The following KIFC3 variants were observed in gnomAD, a reference collection of about 807,000 sequenced individuals.
The protein encoded by KIFC3 is kinesin-like protein KIFC3.
In KIFC3, 60 loss-of-function variants were observed where a neutral mutation model predicts 101.8. That is an observed-to-expected ratio of 0.59 (90% confidence interval 0.48 to 0.73). The LOEUF (loss-of-function observed/expected upper bound fraction) is 0.73, where lower values mean the gene tolerates loss of function less well. Among genes scored for constraint, KIFC3 ranks in the 30% least tolerant of loss-of-function variants. KIFC3 has a pLI of 0.00. For synonymous variants in KIFC3, 476 were observed against 482.7 expected (o/e 0.99, Z 0.18); for missense variants, 966 against 1,137.1 (o/e 0.85, Z 2.16).
intron 1 of KIFC3, among the ~76,000 whole-genome samples, chr16:57,837,533 A>AAG (rs1301872917): frequency 2.7e-5 from 3 of 111,332 alleles, no homozygotes; most frequent in Admixed American, 9.6e-5. Flanking sequence ...AAGAGAAAGA[A>AAG]AGAAAGAGAA....
chr16:57,758,814 G>A lies in KIFC3; in HGVS notation c.*120C>T, dbSNP rs782182673. 310 of 1,543,374 alleles carry A rather than the reference G, an allele frequency of 2.0e-4. No homozygotes were observed. Among genetic ancestry groups the A allele is most frequent in the Non-Finnish European group, 2.7e-4 (300 of 1,120,374 alleles). On this transcript the variant is annotated 3_prime_UTR_variant, in exon 20 of 20. Transcript: ENST00000445690. Reference sequence around the variant, plus strand: ...AGCCTCCACTCTCGCCTCTACCTCCGGGGGTCCTGGCGCTGCAGCAGGGAC... The same window carrying A: ...AGCCTCCACTCTCGCCTCTACCTCCAGGGGTCCTGGCGCTGCAGCAGGGAC...
At chr16:57,764,275 T>TGGGGGGGGGGGGGG in intron 11 of KIFC3, 28 bp from the exon 12 acceptor site, 1 of 539,938 alleles carries the variant, frequency 1.9e-6, no homozygotes. Context: ...GGGAGGCTGG[T>TGGGGGGGGGGGGGG]GGGGGGGCTT....
In KIFC3 at chr16:57,758,585, G is replaced by A. The variant is rs1323373376; in HGVS notation, c.*349C>T. 11 of 674,192 alleles carry A rather than the reference G, an allele frequency of 1.6e-5. No homozygotes were observed. Among genetic ancestry groups the A allele is most frequent in the South Asian group, 1.1e-4 (7 of 66,474 alleles). 41.8% of individuals were successfully genotyped at this position (674,192 alleles called of 1,614,324 possible). A position where few individuals can be genotyped will look rare whatever the true frequency, so the allele number is the denominator to read the frequency against. On this transcript the variant is annotated 3_prime_UTR_variant, in exon 20 of 20. Coordinates refer to ENST00000445690, the MANE Select transcript of KIFC3 (RefSeq NM_001130100.2). Reference sequence around the variant, plus strand: ...GCTCTGCAAGCTGAGGAGAGGGGCCGAGAAAGCCTGGGTGAGAGGCCCACC... The same window carrying A: ...GCTCTGCAAGCTGAGGAGAGGGGCCAAGAAAGCCTGGGTGAGAGGCCCACC...
rs1294675470 is a variant in KIFC3 at position 57,808,552 on chromosome 16, A to AT, written c.109-10271dup. 1.3e-3 allele frequency among the ~76,000 whole-genome samples: 197 copies of AT among 149,998 alleles called. 1 individual carries two copies. Among genetic ancestry groups the AT allele is most frequent in the African/African-American group, 4.6e-3 (187 of 41,062 alleles). ...GGCAGTTTTTGTTTTTGAACTTAAA[A>AT]TTTTTTTTTTTCTGCACAAATCTAA... On this transcript the variant is annotated intron_variant, in intron 1 of 2. Transcript: ENST00000563028.
chr16:57,785,374 T>C, intron 3 of KIFC3: 1 of 719,460 alleles, frequency 1.4e-6, no homozygotes, highest in Non-Finnish European at 1.9e-6. Flanking sequence ...CTTACACCAG[T>C]AGCCTGGTGG....
Position 57,862,717 on chromosome 16 carries a change from C to G in KIFC3, c.108+12G>C, listed in dbSNP as rs1376805375. On this transcript the variant is annotated intron_variant, in intron 1 of 2. Coordinates refer to the KIFC3 transcript ENST00000563028. ...TCCCATTCCCACTGCCCCAACCCAGCCAGGCCCTTACCTTGCACTGCTCCG... is the reference window on the plus strand; with the variant it reads ...TCCCATTCCCACTGCCCCAACCCAGGCAGGCCCTTACCTTGCACTGCTCCG... 8.0e-6 allele frequency: 10 copies of G among 1,245,278 alleles called. No homozygotes were observed. In the African/African-American group the frequency reaches 1.2e-4, roughly 15 times the overall value. 77.1% of individuals were successfully genotyped at this position (1,245,278 alleles called of 1,614,324 possible).
intron 1 of KIFC3, among the ~76,000 whole-genome samples, chr16:57,799,274 A>G (rs2054571978): frequency 6.6e-6 from 1 of 152,164 alleles, no homozygotes; most frequent in Admixed American, 6.5e-5. Context: ...ACAGTCCCAG[A>G]CTCAGACAGT....
intron 3 of KIFC3, chr16:57,788,634 G>A: frequency 2.3e-6 from 3 of 1,289,612 alleles, no homozygotes; most frequent in Non-Finnish European, 3.0e-6. Flanking sequence ...CCGCCTGGGG[G>A]CCGGCGCCTG....
At chr16:57,853,090 C>T (rs981951509) in intron 1 of KIFC3, among the ~76,000 whole-genome samples, 4 of 151,922 alleles carry the variant, frequency 2.6e-5, no homozygotes, top group Non-Finnish European at 4.4e-5. Context: ...ATAATCAAAA[C>T]CCAATAGATA....
intron 12 of KIFC3, 50 bp downstream of exon 12, chr16:57,764,093 A>G (rs2050176642): frequency 7.5e-7 from 1 of 1,341,782 alleles, no homozygotes; most frequent in Admixed American, 1.7e-5. Flanking sequence ...GGGAGCCCGC[A>G]TTCCCTTCAT....
chr16:57,790,078 C>CTTTCTTTCTTTTTTTT, intron 3 of KIFC3, among the ~76,000 whole-genome samples: 1 of 94,088 alleles, frequency 1.1e-5, no homozygotes, highest in Non-Finnish European at 2.0e-5. Context: ...TTCTTTCTTT[C>CTTTCTTTCTTTTTTTT]TTTTTTTTTT....
At position 57,770,545 on chromosome 16, in the gene KIFC3, G is replaced by C. The variant is rs551834885; in HGVS notation, c.921C>G (p.Thr307=). 6.8e-7 allele frequency: 1 copy of C among 1,466,104 alleles called. No individual in the cohort carries two copies. The highest frequency in any genetic ancestry group is 9.0e-7 in the Non-Finnish European group (1 of 1,108,640). 90.8% of individuals were successfully genotyped at this position (1,466,104 alleles called of 1,614,324 possible). ...TGGGTACCTGCGCCCGGAGCCGCGC[G>C]GTCAGCTGGTGTGAGCTCTGCAGCT... The part of the protein sequence containing the change: ...EQQLQSSHQL[T]ARLRAQIAMY... The change falls in exon 7 of 20, where the codon ACC becomes ACG. Residue 307 remains threonine (T), a synonymous_variant. Coordinates refer to ENST00000445690, the MANE Select transcript of KIFC3 (RefSeq NM_001130100.2).
intron 11 of KIFC3, 33 bp from the exon 12 acceptor site, chr16:57,764,280 G>A (rs373054640): frequency 1.4e-5 from 18 of 1,268,480 alleles, no homozygotes; most frequent in Middle Eastern, 2.6e-4. Context: ...GCTGGTGGGG[G>A]GGCTTCCAGG....
chr16:57,817,215 C>T (rs2911350), intron 1 of KIFC3, among the ~76,000 whole-genome samples: 52,178 of 151,682 alleles, frequency 0.34, 9,299 homozygotes, highest in African/African-American at 0.39. Context: ...AGAAATTAGC[C>T]GGGCATGGTG....
At chr16:57,815,394 C>A in intron 1 of KIFC3, 1 of 1,165,920 alleles carries the variant, frequency 8.6e-7, no homozygotes, top group Non-Finnish European at 1.1e-6. Context: ...AGATCCACAC[C>A]GCACCCCACC....
At position 57,819,106 on chromosome 16, in the gene KIFC3, G is replaced by A. The variant is rs1482229183; in HGVS notation, c.109-20824C>T. Among the ~76,000 whole-genome samples, 5 of 152,244 alleles carry A rather than the reference G, an allele frequency of 3.3e-5. No homozygotes were observed. In the East Asian group the frequency reaches 9.7e-4, roughly 29 times the overall value. Reference sequence around the variant, plus strand: ...AGCCCCACTGTCAGCCCCACTGTCAGCCCCACCCCAGACGTAGCTCCAGAA... The same window carrying A: ...AGCCCCACTGTCAGCCCCACTGTCAACCCCACCCCAGACGTAGCTCCAGAA... On this transcript the variant is annotated intron_variant, in intron 1 of 2. Transcript: ENST00000563028.
upstream of KIFC3, among the ~76,000 whole-genome samples, chr16:57,805,226 C>T (rs896280663): frequency 1.3e-5 from 2 of 152,202 alleles, no homozygotes; most frequent in Non-Finnish European, 2.9e-5. Context: ...GATCATCCTG[C>T]TTCAGCCTCC....
intron 1 of KIFC3, among the ~76,000 whole-genome samples, chr16:57,857,239 G>A (rs2056188546): frequency 6.6e-6 from 1 of 152,030 alleles, no homozygotes; most frequent in Non-Finnish European, 1.5e-5. Context: ...TAAACGTGAA[G>A]GTCAGGAATC....
Position 57,802,416 on chromosome 16 carries a change from TCGGCCCGGCCCGGCCCGCCGG to T in KIFC3, c.-107_-87del. ...CAGGCGTCGCCGCAGCGCCCGGGGC[TCGGCCCGGCCCGGCCCGCCGG>T]CAGGAGGCAGCTCCACGCCGCCGCC... On this transcript the variant is annotated 5_prime_UTR_variant, in exon 1 of 20. Coordinates refer to ENST00000445690, the MANE Select transcript of KIFC3 (RefSeq NM_001130100.2). The surrounding 1 kb of genome is among the most constrained non-coding windows in gnomAD (Gnocchi z 5.0). The T allele has an allele frequency of 1.0e-6, 1 of 982,528 alleles. No homozygotes were observed. Among genetic ancestry groups the T allele is most frequent in the Non-Finnish European group, 1.2e-6 (1 of 828,926 alleles). The allele number at this position is 982,528 out of a possible 1,614,324, so 60.9% of individuals were successfully genotyped here.
Sources: gnomAD v4.1 joint callset for allele counts (sites outside exome capture counted in the v4.1 genomes callset) on GRCh38, gnomAD v4.1.1 for gene constraint, Gnocchi (gnomAD v3.1) non-coding constraint, MANE v1.5 for transcripts, NCBI Gene and HGNC (gene_info 2026-07-23, HGNC 2026-07-21) for gene names.